Variants in ANKRD31 observed in about 807,000 individuals in gnomAD.
The protein encoded by ANKRD31 is ankyrin repeat domain 31, also known as ankyrin repeat domain-containing protein 31.
In ANKRD31, 147 loss-of-function variants were observed where a neutral mutation model predicts 186.0. The ratio of observed to expected loss-of-function variants is 0.79; its 90% CI spans 0.69 to 0.91. ANKRD31 has a LOEUF of 0.91. Among genes scored for constraint, ANKRD31 ranks in the 40% least tolerant of loss-of-function variants. The pLI, the probability that ANKRD31 is intolerant of heterozygous loss-of-function variation, is 0.00. For missense variants in ANKRD31, 1,986 were observed against 2,148.8 expected, an observed-to-expected ratio of 0.92 and a Z score of 1.50; for synonymous variants, 673 against 736.4, an observed-to-expected ratio of 0.91 and a Z score of 1.39.
chr5:75,081,300 C>T (rs1403437704), intron 24 of ANKRD31, among the ~76,000 whole-genome samples: 2 of 152,074 alleles, frequency 1.3e-5, no homozygotes, highest in Non-Finnish European at 2.9e-5. Flanking sequence ...CAGAGCTTCG[C>T]TCTTGTCACC....
chr5:75,103,350 C>A (rs1465276398), intron 22 of ANKRD31, among the ~76,000 whole-genome samples: 1 of 152,154 alleles, frequency 6.6e-6, no homozygotes, highest in Non-Finnish European at 1.5e-5. Context: ...CAAGAAACAA[C>A]TGATGCTGGC....
At chr5:75,181,502 T>C (rs1415259681) in intron 10 of ANKRD31, among the ~76,000 whole-genome samples, 4 of 151,830 alleles carry the variant, frequency 2.6e-5, no homozygotes, top group Non-Finnish European at 5.9e-5. Flanking sequence ...CCAACAACAA[T>C]AGATTGGATT....
intron 20 of ANKRD31, among the ~76,000 whole-genome samples, 185 bp from the exon 21 acceptor site, chr5:75,107,802 A>AGT (rs1175974010): frequency 6.6e-6 from 1 of 151,970 alleles, no homozygotes; most frequent in Non-Finnish European, 1.5e-5. Context: ...AATGCCCTGA[A>AGT]GTGTATAGAT....
In ANKRD31 at chr5:75,107,676, C is replaced by T. The variant is rs548346389; in HGVS notation, c.4244-59G>A. On this transcript the variant is annotated intron_variant, in intron 20 of 25. Transcript: ENST00000506364. ...AGGGAGAGTGAATGTCAAATTTGGT[C>T]ATACGAGAATTAGCCCTATTGTTAA... 1.5e-5 allele frequency: 16 copies of T among 1,056,132 alleles called. 1 individual carries two copies. The highest frequency in any genetic ancestry group is 1.4e-4 in the South Asian group (9 of 65,498). The allele number at this position is 1,056,132 out of a possible 1,614,324, so 65.4% of individuals were successfully genotyped here.
At chr5:75,069,976 G>A (rs1744087170) in intron 25 of ANKRD31, among the ~76,000 whole-genome samples, 1 of 152,138 alleles carries the variant, frequency 6.6e-6, no homozygotes. Flanking sequence ...AGAGAAACTG[G>A]TGCTCTGTCA....
chr5:75,190,306 C>A (rs1364351983), intron 9 of ANKRD31, among the ~76,000 whole-genome samples: 5 of 152,176 alleles, frequency 3.3e-5, no homozygotes, highest in South Asian at 4.1e-4. Flanking sequence ...TAGGCATGAG[C>A]CACTGCACGT....
At chr5:75,196,611 C>G (rs1580536383) in intron 6 of ANKRD31, among the ~76,000 whole-genome samples, 1 of 152,226 alleles carries the variant, frequency 6.6e-6, no homozygotes, top group East Asian at 1.9e-4. Flanking sequence ...AAATTATTAA[C>G]TAGGAATAAA....
chr5:75,178,310 C>T (rs1314946487), intron 10 of ANKRD31, among the ~76,000 whole-genome samples: 1 of 152,172 alleles, frequency 6.6e-6, no homozygotes, highest in African/African-American at 2.4e-5. Flanking sequence ...CCACTGTCAA[C>T]ATTAGACAGA....
intron 10 of ANKRD31, 43 bp from the exon 11 acceptor site, chr5:75,169,164 T>C (rs1453664517): frequency 2.6e-6 from 4 of 1,518,356 alleles, no homozygotes; most frequent in Non-Finnish European, 3.5e-6. Context: ...ATTTGGCATC[T>C]TAATAATGTT....
intron 7 of ANKRD31, 109 bp downstream of exon 7, chr5:75,195,522 G>T: frequency 1.1e-6 from 1 of 933,900 alleles, no homozygotes; most frequent in Non-Finnish European, 1.6e-6. Context: ...CAAAATCATA[G>T]ACTCATATTT....
At chr5:75,071,507 T>C (rs1363410624) in intron 25 of ANKRD31, among the ~76,000 whole-genome samples, 1 of 150,212 alleles carries the variant, frequency 6.7e-6, no homozygotes, top group East Asian at 1.9e-4. Context: ...GTTTTTTTTT[T>C]TTTTTGAGGT....
intron 11 of ANKRD31, among the ~76,000 whole-genome samples, chr5:75,159,151 G>A (rs1752406292): frequency 6.6e-6 from 1 of 151,978 alleles, no homozygotes; most frequent in South Asian, 2.1e-4. Context: ...CACTGAATTT[G>A]GAGAGACAGA....
At chr5:75,129,805 C>A (rs772433434) in intron 17 of ANKRD31, among the ~76,000 whole-genome samples, 1 of 152,260 alleles carries the variant, frequency 6.6e-6, no homozygotes, top group African/African-American at 2.4e-5. Flanking sequence ...GTGCAGCCCA[C>A]GGAGTGTGAG....
intron 11 of ANKRD31, among the ~76,000 whole-genome samples, chr5:75,155,913 CTT>C (rs10706178): frequency 2.8e-4 from 41 of 146,154 alleles, no homozygotes; most frequent in Admixed American, 6.1e-4. Flanking sequence ...TTATGTCAGC[CTT>C]TTTTTTTTTT....
At chr5:75,077,040 T>C (rs1178917506) in intron 25 of ANKRD31, among the ~76,000 whole-genome samples, 1 of 152,210 alleles carries the variant, frequency 6.6e-6, no homozygotes, top group Non-Finnish European at 1.5e-5. Context: ...TCCTAAAAGC[T>C]AAATATGGTG....
intron 24 of ANKRD31, 120 bp downstream of exon 24, chr5:75,084,152 A>T: frequency 1.3e-6 from 1 of 746,878 alleles, no homozygotes; most frequent in Non-Finnish European, 2.2e-6. Context: ...TGAAATAGTT[A>T]ATTATAATGA....
rs149764671 is a variant in ANKRD31 at position 75,211,605 on chromosome 5, C to T, written c.289-740G>A. Reference sequence around the variant, plus strand: ...CAGCAGTTGCATCATTTTACATTTCCATCTGCTATGTACAAGGGTTCCAAT... The same window carrying T: ...CAGCAGTTGCATCATTTTACATTTCTATCTGCTATGTACAAGGGTTCCAAT... On this transcript the variant is annotated intron_variant, in intron 3 of 25. Coordinates refer to ENST00000506364, the MANE Select transcript of ANKRD31 (RefSeq NM_001372053.1). 2.2e-3 allele frequency among the ~76,000 whole-genome samples: 333 copies of T among 152,258 alleles called. 1 individual carries two copies. The highest frequency in any genetic ancestry group is 7.4e-3 in the African/African-American group (307 of 41,550).
chr5:75,196,622 AT>A (rs1158086951), intron 6 of ANKRD31, among the ~76,000 whole-genome samples: 4 of 152,176 alleles, frequency 2.6e-5, no homozygotes, highest in Non-Finnish European at 4.4e-5. Context: ...TAGGAATAAA[AT>A]TTCACCTTCT....
intron 23 of ANKRD31, among the ~76,000 whole-genome samples, chr5:75,085,338 A>G (rs146400270): frequency 6.6e-6 from 1 of 152,194 alleles, no homozygotes; most frequent in East Asian, 1.9e-4. Flanking sequence ...ATACTGGATA[A>G]AAGACTCTGA....
Sources: allele counts gnomAD v4.1 joint callset (sites outside exome capture counted in the v4.1 genomes callset), GRCh38; gene constraint gnomAD v4.1.1; transcripts MANE v1.5; gene names NCBI Gene and HGNC (gene_info 2026-07-23, HGNC 2026-07-21).